Variants in ADCY2 observed in about 807,000 individuals in gnomAD.
ADCY2 encodes adenylate cyclase type 2.
In ADCY2, 31 loss-of-function variants were observed where a neutral mutation model predicts 125.2. That is an observed-to-expected ratio of 0.25 (90% CI 0.19 to 0.33). The LOEUF is 0.33. ADCY2 is among the 10% of genes least tolerant of loss of function. The pLI, the probability that ADCY2 is intolerant of heterozygous loss-of-function variation, is 1.00. For missense variants in ADCY2, 904 were observed against 1,418.2 expected (o/e 0.64, Z 5.82); for synonymous variants, 512 against 548.4 (o/e 0.93, Z 0.93).
chr5:7,439,872 G>A (rs1740944536), intron 2 of ADCY2, among the ~76,000 whole-genome samples: 1 of 150,890 alleles, frequency 6.6e-6, no homozygotes, highest in Admixed American at 6.6e-5. Context: ...AGACACAGGT[G>A]GGAGGGAGTG....
At position 7,523,147 on chromosome 5, in the gene ADCY2, T is replaced by C. The variant is rs535641443; in HGVS notation, c.570+2248T>C. 1.7e-4 allele frequency among the ~76,000 whole-genome samples: 26 copies of C among 152,152 alleles called. No homozygotes were observed. In the South Asian group the frequency reaches 5.4e-3, roughly 32 times the overall value. On this transcript the variant is annotated intron_variant, in intron 3 of 24. Transcript: ENST00000338316. ...GCAGATGTAATAGGACAAAAAATAT[T>C]TCAGAAGAAGAGGTTTTAATACCTG...
intron 2 of ADCY2, among the ~76,000 whole-genome samples, chr5:7,425,045 C>T (rs1409294711): frequency 6.6e-6 from 1 of 152,134 alleles, no homozygotes; most frequent in Non-Finnish European, 1.5e-5. Context: ...GCGGTGCCAG[C>T]CATGGGTCCT....
chr5:7,639,764 T>C (rs779438289), intron 4 of ADCY2, among the ~76,000 whole-genome samples: 3 of 152,212 alleles, frequency 2.0e-5, no homozygotes, highest in Admixed American at 1.3e-4. Context: ...CTTGGTCATC[T>C]TGAAACTTCA....
chr5:7,766,631 G>A (rs1421442060), intron 16 of ADCY2, 56 bp from the exon 17 acceptor site: 2 of 1,585,028 alleles, frequency 1.3e-6, no homozygotes, highest in South Asian at 2.3e-5. Context: ...GCACCCACCT[G>A]CTAGTTATTT....
intron 3 of ADCY2, among the ~76,000 whole-genome samples, chr5:7,573,822 C>A (rs1045837366): frequency 5.4e-5 from 8 of 148,432 alleles, no homozygotes; most frequent in African/African-American, 1.7e-4. Context: ...AGGTTAGATA[C>A]ATATGTATAC....
Position 7,766,805 on chromosome 5 carries a change from C to T in ADCY2, c.2213C>T (p.Pro738Leu). ...ILRAQNLFFL[P>L]YFIYSCILGL... ...CGTGCGCAGAATTTATTTTTCCTCC[C>T]GGTAAGAACATTGCAATTATGACTG... The change falls in exon 17 of 25, where the codon CCG becomes CTG. Residue 738 changes from proline (P) to leucine (L), a missense_variant and splice_region_variant. Pro to Leu is a moderately conservative substitution (Grantham distance 98). Coordinates refer to ENST00000338316, the MANE Select transcript of ADCY2 (RefSeq NM_020546.3). The T allele has an allele frequency of 2.5e-6, 4 of 1,609,208 alleles. No homozygotes were observed. The highest frequency in any genetic ancestry group is 3.4e-6 in the Non-Finnish European group (4 of 1,178,884).
chr5:7,674,820 C>T (rs1445226862), intron 4 of ADCY2, among the ~76,000 whole-genome samples: 1 of 152,020 alleles, frequency 6.6e-6, no homozygotes, highest in East Asian at 1.9e-4. Context: ...TTTTTTGTGT[C>T]GTGGCTGTAG....
chr5:7,452,202 C>T lies in ADCY2; in HGVS notation c.408+37432C>T, dbSNP rs539336680. On this transcript the variant is annotated intron_variant, in intron 2 of 24. Coordinates refer to ENST00000338316, the MANE Select transcript of ADCY2 (RefSeq NM_020546.3). ...TGCTGGGATTACAGGCATGAGCAACCGTGCCCGGCCCCCAATGTGTAGTTT... is the reference window on the plus strand; with the variant it reads ...TGCTGGGATTACAGGCATGAGCAACTGTGCCCGGCCCCCAATGTGTAGTTT... 4.5e-4 allele frequency among the ~76,000 whole-genome samples: 69 copies of T among 152,264 alleles called. No individual in the cohort carries two copies. The South Asian group carries it at 0.012, about 26-fold the overall frequency.
At chr5:7,762,302 C>G (rs1743248599) in intron 16 of ADCY2, among the ~76,000 whole-genome samples, 3 of 152,256 alleles carry the variant, frequency 2.0e-5, no homozygotes, top group Non-Finnish European at 2.9e-5. Flanking sequence ...CATGACCTGG[C>G]TGTAGAGCCT....
chr5:7,542,388 C>T (rs1244375871), intron 3 of ADCY2, among the ~76,000 whole-genome samples: 1 of 151,978 alleles, frequency 6.6e-6, no homozygotes, highest in Non-Finnish European at 1.5e-5. Context: ...CTCTTCGAGG[C>T]CATTGAGCCA....
intron 16 of ADCY2, among the ~76,000 whole-genome samples, chr5:7,760,415 A>G (rs946044374): frequency 1.3e-5 from 2 of 152,156 alleles, no homozygotes; most frequent in African/African-American, 4.8e-5. Context: ...TGCACAAGCT[A>G]AGGTTCCAAT....
chr5:7,640,547 G>C (rs1420242628), intron 4 of ADCY2, among the ~76,000 whole-genome samples: 1 of 152,092 alleles, frequency 6.6e-6, no homozygotes, highest in Non-Finnish European at 1.5e-5. Context: ...GATGAATAAT[G>C]GGAAAAATTT....
intron 14 of ADCY2, among the ~76,000 whole-genome samples, chr5:7,742,453 T>C (rs922546542): frequency 6.6e-6 from 1 of 152,184 alleles, no homozygotes; most frequent in African/African-American, 2.4e-5. Flanking sequence ...GCCAGGTGTT[T>C]GAAAGCATTG....
chr5:7,632,606 G>A (rs1271880253), intron 4 of ADCY2, among the ~76,000 whole-genome samples: 3 of 152,108 alleles, frequency 2.0e-5, no homozygotes, highest in East Asian at 3.9e-4. Context: ...GAAGAGCTGA[G>A]ATGTTATAAA....
intron 3 of ADCY2, among the ~76,000 whole-genome samples, chr5:7,558,202 G>A (rs1375281225): frequency 1.3e-5 from 2 of 151,952 alleles, no homozygotes; most frequent in South Asian, 2.1e-4. Flanking sequence ...ACAGGTGCAC[G>A]CCACCACGCC....
At chr5:7,735,055 A>G (rs73043527) in intron 14 of ADCY2, among the ~76,000 whole-genome samples, 6,995 of 152,168 alleles carry the variant, frequency 0.046, 538 homozygotes, top group African/African-American at 0.16. Context: ...ATCACATTGG[A>G]GGTTAGGAAT....
chr5:7,406,812 C>T (rs1739505500), intron 1 of ADCY2, among the ~76,000 whole-genome samples: 1 of 152,230 alleles, frequency 6.6e-6, no homozygotes, highest in South Asian at 2.1e-4. Flanking sequence ...TATTCAACCT[C>T]GTAATGTCAA....
chr5:7,580,249 A>G lies in ADCY2; in HGVS notation c.571-45918A>G, dbSNP rs1736385974. On this transcript the variant is annotated intron_variant, in intron 3 of 24. Transcript: ENST00000338316. Reference sequence around the variant, plus strand: ...AAAAACCTTTACATGTATGCCCTGAATCTAAAATAAAGTTAACATTACTTT... The same window carrying G: ...AAAAACCTTTACATGTATGCCCTGAGTCTAAAATAAAGTTAACATTACTTT... Among the ~76,000 whole-genome samples, 3 of 152,334 alleles carry G rather than the reference A, an allele frequency of 2.0e-5. No homozygotes were observed. In the South Asian group the frequency reaches 6.2e-4, roughly 32 times the overall value.
intron 14 of ADCY2, among the ~76,000 whole-genome samples, chr5:7,743,333 A>C (rs902026634): frequency 3.3e-4 from 49 of 150,702 alleles, no homozygotes; most frequent in Admixed American, 3.2e-3. Flanking sequence ...CTGGCAGTGA[A>C]GAGGCCACCG....
Sources: allele counts gnomAD v4.1 joint callset (sites outside exome capture counted in the v4.1 genomes callset), GRCh38; gene constraint gnomAD v4.1.1; transcripts MANE v1.5; gene names NCBI Gene and HGNC (gene_info 2026-07-23, HGNC 2026-07-21).